SLCO6A1: variants seen among roughly 807,000 people sequenced by gnomAD.
SLCO6A1 encodes cancer/testis antigen 48.
SLCO6A1 carries 65 observed loss-of-function variants against 72.7 expected under a neutral mutation model. That is an observed-to-expected ratio of 0.89 (90% CI 0.73 to 1.10). The LOEUF is 1.10. Among genes scored for constraint, SLCO6A1 ranks in the 50% least tolerant of loss-of-function variants. The pLI, the probability that SLCO6A1 is intolerant of heterozygous loss-of-function variation, is 0.00. For synonymous variants in SLCO6A1, 314 were observed against 298.2 expected (o/e 1.05, Z -0.55); for missense variants, 874 against 872.6 (o/e 1.00, Z -0.02).
At chr5:102,445,597 T>C (rs1036287290) in intron 6 of SLCO6A1, among the ~76,000 whole-genome samples, 3 of 152,228 alleles carry the variant, frequency 2.0e-5, no homozygotes, top group African/African-American at 4.8e-5. Flanking sequence ...ACTTGTCAAT[T>C]TTTGTTTTTG....
At chr5:102,383,258 G>A (rs1254412999) in intron 12 of SLCO6A1, among the ~76,000 whole-genome samples, 3 of 151,284 alleles carry the variant, frequency 2.0e-5, no homozygotes, top group Non-Finnish European at 3.0e-5. Context: ...GGATAGAGCA[G>A]ATAGACATCT....
chr5:102,411,465 ATG>A (rs1387118973), intron 9 of SLCO6A1, among the ~76,000 whole-genome samples: 1 of 152,002 alleles, frequency 6.6e-6, no homozygotes, highest in Non-Finnish European at 1.5e-5. Flanking sequence ...GGGTTTCGCC[ATG>A]TTGCCCAGGC....
At chr5:102,484,753 T>C (rs892641330) in intron 1 of SLCO6A1, among the ~76,000 whole-genome samples, 1 of 152,204 alleles carries the variant, frequency 6.6e-6, no homozygotes, top group Non-Finnish European at 1.5e-5. Flanking sequence ...ATTTTTATGT[T>C]ATACATCAGA....
intron 4 of SLCO6A1, among the ~76,000 whole-genome samples, chr5:102,469,829 T>A (rs910927505): frequency 1.2e-4 from 18 of 152,176 alleles, no homozygotes; most frequent in African/African-American, 4.1e-4. Context: ...TTGAGATACA[T>A]TCCATCAATA....
At chr5:102,437,767 C>A (rs1377739408) in intron 7 of SLCO6A1, among the ~76,000 whole-genome samples, 1 of 151,982 alleles carries the variant, frequency 6.6e-6, no homozygotes, top group Non-Finnish European at 1.5e-5. Flanking sequence ...TCATTCCTTT[C>A]TTTTTTTAAT....
chr5:102,384,040 T>C (rs1746268801), intron 12 of SLCO6A1, among the ~76,000 whole-genome samples: 1 of 151,914 alleles, frequency 6.6e-6, no homozygotes, highest in East Asian at 1.9e-4. Context: ...TTATCTTTCA[T>C]TTATAATTTT....
intron 7 of SLCO6A1, among the ~76,000 whole-genome samples, chr5:102,436,405 G>C (rs1251971243): frequency 1.3e-5 from 2 of 152,106 alleles, no homozygotes; most frequent in Non-Finnish European, 2.9e-5. Flanking sequence ...TATGCAAATG[G>C]ATTCACAATG....
intron 6 of SLCO6A1, among the ~76,000 whole-genome samples, chr5:102,440,753 T>TG (rs1202531661): frequency 2.6e-5 from 4 of 152,298 alleles, no homozygotes; most frequent in African/African-American, 7.2e-5. Context: ...CACTAAGTTA[T>TG]GGGGTAGTTT....
chr5:102,413,334 A>G (rs1748095309), intron 8 of SLCO6A1, among the ~76,000 whole-genome samples, 191 bp from the exon 9 acceptor site: 1 of 152,162 alleles, frequency 6.6e-6, no homozygotes, highest in African/African-American at 2.4e-5. Flanking sequence ...TGATATGTGT[A>G]TACACTTGTG....
At chr5:102,477,559 A>G (rs1751966468) in intron 3 of SLCO6A1, 117 bp downstream of exon 3, 3 of 757,594 alleles carry the variant, frequency 4.0e-6, no homozygotes, top group Non-Finnish European at 6.2e-6. Context: ...ACCAATTATC[A>G]TTTATTACAA....
chr5:102,465,964 C>T (rs890387895), intron 4 of SLCO6A1, among the ~76,000 whole-genome samples: 1 of 152,114 alleles, frequency 6.6e-6, no homozygotes, highest in African/African-American at 2.4e-5. Flanking sequence ...ACCCATTCCT[C>T]CCCCACCAGA....
At chr5:102,481,250 G>A (rs1478712526) in intron 1 of SLCO6A1, among the ~76,000 whole-genome samples, 1 of 151,764 alleles carries the variant, frequency 6.6e-6, no homozygotes, top group Non-Finnish European at 1.5e-5. Context: ...TTGGCAGGAA[G>A]CCAGGAGCCC....
At chr5:102,440,929 G>A (rs550568193) in intron 6 of SLCO6A1, among the ~76,000 whole-genome samples, 2 of 152,056 alleles carry the variant, frequency 1.3e-5, no homozygotes, top group South Asian at 2.1e-4. Flanking sequence ...TAGCTATTGG[G>A]ATTCTTTTTG....
At chr5:102,449,796 C>A (rs1331452391) in intron 6 of SLCO6A1, among the ~76,000 whole-genome samples, 1 of 152,198 alleles carries the variant, frequency 6.6e-6, no homozygotes, top group Non-Finnish European at 1.5e-5. Context: ...GCCAGTGAGT[C>A]ATAGACTTGG....
chr5:102,476,905 T>C (rs79765285), intron 3 of SLCO6A1, among the ~76,000 whole-genome samples: 2,158 of 152,074 alleles, frequency 0.014, 21 homozygotes, highest in Non-Finnish European at 0.021. Flanking sequence ...CCTGTACAAA[T>C]AGATGATCTA....
intron 7 of SLCO6A1, among the ~76,000 whole-genome samples, chr5:102,436,666 G>A (rs1481199353): frequency 6.6e-6 from 1 of 152,058 alleles, no homozygotes; most frequent in South Asian, 2.1e-4. Context: ...CTCCATGACT[G>A]ATAATTTCAT....
At chr5:102,442,292 T>G (rs530066884) in intron 6 of SLCO6A1, among the ~76,000 whole-genome samples, 50 of 152,282 alleles carry the variant, frequency 3.3e-4, no homozygotes, top group African/African-American at 1.2e-3. Context: ...AAGCCACAAG[T>G]AATGGATATG....
Position 102,475,782 on chromosome 5 carries a change from A to C in SLCO6A1, c.814T>G (p.Cys272Gly), listed in dbSNP as rs1281135202. Residue 272 changes from cysteine (C) to glycine (G), a missense_variant, in exon 4 of 14, where the codon TGT becomes GGT. Cys to Gly is a radical substitution (Grantham distance 159). Coordinates refer to ENST00000506729, the MANE Select transcript of SLCO6A1 (RefSeq NM_173488.5). ...SAGIYLGIAE[C>G]TSMIGYALGY... ...AGAGCATATCCAATCATTGATGTAC[A>C]TTCTGCAATACCTGTAAAATAAGCA... The C allele has an allele frequency of 1.9e-6, 3 of 1,605,060 alleles. No individual in the cohort carries two copies. The highest frequency in any genetic ancestry group is 2.6e-6 in the Non-Finnish European group (3 of 1,175,478).
At chr5:102,484,661 T>G (rs1454266897) in intron 1 of SLCO6A1, among the ~76,000 whole-genome samples, 1 of 151,662 alleles carries the variant, frequency 6.6e-6, no homozygotes, top group African/African-American at 2.4e-5. Flanking sequence ...AAAAAAAAGG[T>G]CATATTATTT....
Sources: allele counts gnomAD v4.1 joint callset (sites outside exome capture counted in the v4.1 genomes callset), GRCh38; gene constraint gnomAD v4.1.1; transcripts MANE v1.5; gene names NCBI Gene and HGNC (gene_info 2026-07-23, HGNC 2026-07-21).